The following TMEM236 variants were observed in gnomAD, a reference collection of about 807,000 sequenced individuals.
TMEM236 encodes the protein family with sequence similarity 23, member A.
Under a neutral mutation model 14.7 loss-of-function variants are expected in TMEM236, and 11 were observed. That is an observed-to-expected ratio of 0.75 (90% CI 0.47 to 1.24). The LOEUF is 1.24. Ranked by LOEUF, TMEM236 falls within the 50% of genes most tolerant of loss-of-function variation. The probability of loss-of-function intolerance (pLI) is 0.00; values close to 1 mark genes in which losing one functional copy is unlikely to be tolerated. For synonymous variants in TMEM236, 182 were observed against 168.6 expected, an observed-to-expected ratio of 1.08 and a Z score of -0.62; for missense variants, 464 against 427.3, an observed-to-expected ratio of 1.09 and a Z score of -0.76.
intron 3 of TMEM236, among the ~76,000 whole-genome samples, chr10:17,790,446 G>A (rs1281636785): frequency 2.0e-5 from 3 of 152,086 alleles, no homozygotes; most frequent in Non-Finnish European, 4.4e-5. Flanking sequence ...GTCCCAGATA[G>A]TTGGGAGGCT....
chr10:17,752,529 T>C lies in TMEM236; in HGVS notation c.234T>C (p.Tyr78=). The C allele has an allele frequency of 6.2e-7, 1 of 1,613,948 alleles. No homozygotes were observed. Among genetic ancestry groups the C allele is most frequent in the Non-Finnish European group, 8.5e-7 (1 of 1,179,822 alleles). ...PVKVILHKKR[Y]IYRKIKGWRP... ...AAGTTATCCTGCACAAGAAACGTTA[T>C]ATTTACAGAAAAATTAAAGGATGGT... Residue 78 remains tyrosine, a synonymous_variant, in exon 1 of 4, where the codon TAT becomes TAC. Coordinates refer to ENST00000377495, the MANE Select transcript of TMEM236 (RefSeq NM_001098844.3).
At chr10:17,766,608 A>G (rs1554834340) in intron 1 of TMEM236, among the ~76,000 whole-genome samples, 1 of 152,122 alleles carries the variant, frequency 6.6e-6, no homozygotes, top group East Asian at 1.9e-4. Context: ...GTCTCTACTC[A>G]TTCCTCAACT....
At chr10:17,789,242 C>G (rs1223744857) in intron 3 of TMEM236, among the ~76,000 whole-genome samples, 12 of 152,182 alleles carry the variant, frequency 7.9e-5, no homozygotes, top group Non-Finnish European at 1.8e-4. Flanking sequence ...TGTTTAGTCT[C>G]TGTAGTGTGA....
intron 1 of TMEM236, among the ~76,000 whole-genome samples, chr10:17,766,819 G>C (rs958293490): frequency 2.0e-5 from 3 of 151,804 alleles, no homozygotes; most frequent in Non-Finnish European, 4.4e-5. Context: ...GGATATGAGA[G>C]AGAATTTGTT....
chr10:17,777,970 C>G (rs1046626460), intron 3 of TMEM236, among the ~76,000 whole-genome samples: 19,330 of 152,096 alleles, frequency 0.13, 1,454 homozygotes, highest in Non-Finnish European at 0.17. Flanking sequence ...AACTCCTGAC[C>G]TCAGGTGATC....
chr10:17,792,700 G>A (rs1336896499), intron 3 of TMEM236, among the ~76,000 whole-genome samples: 1 of 152,190 alleles, frequency 6.6e-6, no homozygotes, highest in Non-Finnish European at 1.5e-5. Context: ...TCAAAAGGCT[G>A]CTAGTTTTAC....
chr10:17,796,565 CT>C lies in TMEM236; in HGVS notation c.*68del. On this transcript the variant is annotated 3_prime_UTR_variant, in exon 4 of 4. Transcript: ENST00000377495. Reference sequence around the variant, plus strand: ...ACCTGTGTGCACATTTGTAATCCTTCTTTTTTTCTTGGGGCGTAGGTGTTTG... The same window carrying C: ...ACCTGTGTGCACATTTGTAATCCTTCTTTTTTCTTGGGGCGTAGGTGTTTG... 2.8e-6 allele frequency: 4 copies of C among 1,438,044 alleles called. No individual in the cohort carries two copies. Among genetic ancestry groups the C allele is most frequent in the African/African-American group, 1.4e-5 (1 of 70,822 alleles). The allele number at this position is 1,438,044 out of a possible 1,614,324, so 89.1% of individuals were successfully genotyped here. A position where few individuals can be genotyped will look rare whatever the true frequency, so the allele number is the denominator to read the frequency against.
intron 1 of TMEM236, among the ~76,000 whole-genome samples, chr10:17,762,851 G>C (rs1449040547): frequency 6.6e-6 from 1 of 151,342 alleles, no homozygotes; most frequent in African/African-American, 2.4e-5. Flanking sequence ...GACAGGATTT[G>C]CTAGGTTGCC....
chr10:17,774,950 A>G (rs1442518560), intron 2 of TMEM236, among the ~76,000 whole-genome samples: 1 of 152,076 alleles, frequency 6.6e-6, no homozygotes, highest in Non-Finnish European at 1.5e-5. Flanking sequence ...GGCATGTGCC[A>G]CCATGCCTGG....
intron 1 of TMEM236, among the ~76,000 whole-genome samples, chr10:17,760,416 G>GATC (rs1196384867): frequency 4.6e-5 from 7 of 151,400 alleles, no homozygotes; most frequent in Non-Finnish European, 8.8e-5. Flanking sequence ...AATTGCACAA[G>GATC]ATCATCAAAC....
chr10:17,759,023 A>G (rs1324877669), intron 1 of TMEM236, among the ~76,000 whole-genome samples: 1 of 152,238 alleles, frequency 6.6e-6, no homozygotes, highest in African/African-American at 2.4e-5. Flanking sequence ...CAGAGAGCTT[A>G]AAATGTACTG....
chr10:17,785,937 A>G (rs1333339528), intron 3 of TMEM236, among the ~76,000 whole-genome samples: 1 of 152,212 alleles, frequency 6.6e-6, no homozygotes, highest in Non-Finnish European at 1.5e-5. Flanking sequence ...GATTAGACCC[A>G]TGAGATTGGG....
At chr10:17,752,768 T>C (rs933621538) in intron 1 of TMEM236, among the ~76,000 whole-genome samples, 1 of 152,026 alleles carries the variant, frequency 6.6e-6, no homozygotes, top group Non-Finnish European at 1.5e-5. Flanking sequence ...GTTTTTGCCA[T>C]GTTGGCCAGG....
intron 1 of TMEM236, among the ~76,000 whole-genome samples, chr10:17,767,281 T>C (rs941833830): frequency 7.2e-5 from 11 of 151,982 alleles, no homozygotes; most frequent in African/African-American, 2.2e-4. Context: ...ACCAAGATGG[T>C]GAAACCCCGT....
chr10:17,761,578 C>T (rs1589139632), intron 1 of TMEM236, among the ~76,000 whole-genome samples: 1 of 151,838 alleles, frequency 6.6e-6, no homozygotes, highest in African/African-American at 2.4e-5. Flanking sequence ...CCTGTAGTCC[C>T]CGGTACTCAG....
At chr10:17,780,614 A>G (rs1464302709) in intron 3 of TMEM236, among the ~76,000 whole-genome samples, 6 of 152,142 alleles carry the variant, frequency 3.9e-5, no homozygotes, top group Non-Finnish European at 5.9e-5. Flanking sequence ...CATAGAAGAA[A>G]GGTTGGGCCT....
At chr10:17,783,191 CA>C (rs1268789020) in intron 3 of TMEM236, among the ~76,000 whole-genome samples, 33 of 152,296 alleles carry the variant, frequency 2.2e-4, no homozygotes, top group African/African-American at 7.2e-4. Context: ...AGGCCTGGAG[CA>C]TCTGCTCATG....
In TMEM236 at chr10:17,796,159, A is replaced by G; in HGVS notation, c.711A>G (p.Leu237=). The change falls in exon 4 of 4, where the codon TTA becomes TTG. Residue 237 remains leucine, a synonymous_variant. Transcript: ENST00000377495. Reference sequence around the variant, plus strand: ...CCCGGCGAGATGTCCGGGCAGAGTTATTCTTATGGAGCTTTCTCCTGTGGT... The same window carrying G: ...CCCGGCGAGATGTCCGGGCAGAGTTGTTCTTATGGAGCTTTCTCCTGTGGT... The part of the protein sequence containing the change: ...MMSRRDVRAE[L]FLWSFLLWSD... The G allele has an allele frequency of 6.2e-7, 1 of 1,613,944 alleles. No individual in the cohort carries two copies. The highest frequency in any genetic ancestry group is 8.5e-7 in the Non-Finnish European group (1 of 1,179,856).
Position 17,776,053 on chromosome 10 carries a change from G to A in TMEM236, c.355G>A (p.Ala119Thr), listed in dbSNP as rs1049557316. The A allele has an allele frequency of 3.2e-5, 52 of 1,613,786 alleles. No homozygotes were observed. The East Asian group carries it at 8.0e-4, about 25-fold the overall frequency. Residue 119 changes from alanine (A) to threonine (T), a missense_variant, in exon 3 of 4, where the codon GCT becomes ACT. Transcript: ENST00000377495. ...GGTTCAAAAGAGCATTAATGGGTCC[G>A]CTGATGTCTTACCTGATATGTTACC... ...TEVQKSINGS[A>T]DVLPDMLPDL...
Sources: gnomAD v4.1 joint callset for allele counts (sites outside exome capture counted in the v4.1 genomes callset) on GRCh38, gnomAD v4.1.1 for gene constraint, MANE v1.5 for transcripts, NCBI Gene and HGNC (gene_info 2026-07-23, HGNC 2026-07-21) for gene names.